Variants in LRBA observed in about 807,000 individuals in gnomAD.
LRBA encodes the protein LPS responsive beige-like anchor protein.
A neutral mutation model predicts 330.0 loss-of-function variants in LRBA; 176 were observed. That is an observed-to-expected ratio of 0.53 (90% confidence interval 0.47 to 0.60). The LOEUF (loss-of-function observed/expected upper bound fraction) is 0.60, where lower values mean the gene tolerates loss of function less well. Among genes scored for constraint, LRBA ranks in the 20% least tolerant of loss-of-function variants. The pLI, the probability that LRBA is intolerant of heterozygous loss-of-function variation, is 0.00. For synonymous variants in LRBA, 1,230 were observed against 1,193.0 expected, an observed-to-expected ratio of 1.03 and a Z score of -0.64; for missense variants, 3,259 against 3,444.8, an observed-to-expected ratio of 0.95 and a Z score of 1.35.
intron 2 of LRBA, among the ~76,000 whole-genome samples, chr4:150,951,293 T>C (rs1012169651): frequency 3.3e-5 from 5 of 152,152 alleles, no homozygotes; most frequent in African/African-American, 1.2e-4. Context: ...TATAGTTGTA[T>C]ATAACACAGC....
rs548971330 is a variant in LRBA at position 150,282,765 on chromosome 4, T to TA, written c.8120-120dup. 2.1e-4 allele frequency: 144 copies of TA among 692,628 alleles called. No homozygotes were observed. The Admixed American group carries it at 3.1e-3, about 15-fold the overall frequency. 42.9% of individuals were successfully genotyped at this position (692,628 alleles called of 1,614,324 possible). A position where few individuals can be genotyped will look rare whatever the true frequency, so the allele number is the denominator to read the frequency against. ...CCACACTATAGATGTAGAAAGCCTT[T>TA]AAAAAACTTCCATCTTACGTGTAAG... On this transcript the variant is annotated intron_variant, in intron 54 of 56. Transcript: ENST00000651943.
At chr4:150,967,860 A>G (rs141665481) in intron 2 of LRBA, among the ~76,000 whole-genome samples, 2 of 152,290 alleles carry the variant, frequency 1.3e-5, no homozygotes, top group Non-Finnish European at 2.9e-5. Context: ...TATGTGTTCT[A>G]TAGCTCTACC....
chr4:150,391,972 TAAAAAAAAA>T (rs150931536), intron 47 of LRBA, among the ~76,000 whole-genome samples: 12 of 107,440 alleles, frequency 1.1e-4, no homozygotes, highest in South Asian at 3.4e-4. Context: ...TGTTACTCTT[TAAAAAAAAA>T]AAAAAAAAAA....
At chr4:150,929,164 CT>C in intron 2 of LRBA, 99 bp from the exon 3 acceptor site, 1 of 676,636 alleles carries the variant, frequency 1.5e-6, no homozygotes, top group Non-Finnish European at 2.4e-6. Flanking sequence ...TACTCACATT[CT>C]TCCTCCACAT....
At chr4:150,795,702 T>C (rs1740682160) in intron 34 of LRBA, among the ~76,000 whole-genome samples, 1 of 151,952 alleles carries the variant, frequency 6.6e-6, no homozygotes, top group Non-Finnish European at 1.5e-5. Flanking sequence ...AATCAACTAT[T>C]GGTAAATGAG....
At chr4:150,717,053 G>A (rs1728293543) in intron 36 of LRBA, among the ~76,000 whole-genome samples, 1 of 152,144 alleles carries the variant, frequency 6.6e-6, no homozygotes. Flanking sequence ...ATAGCAAAGA[G>A]ATCACCAGTT....
intron 2 of LRBA, among the ~76,000 whole-genome samples, chr4:151,007,306 C>G (rs909285482): frequency 4.5e-4 from 69 of 151,938 alleles, no homozygotes; most frequent in Non-Finnish European, 1.0e-4. Flanking sequence ...TGGAGACCAT[C>G]CTGGCAAACA....
At chr4:150,966,475 ATTTTTTTTTTTTT>A (rs36013649) in intron 2 of LRBA, among the ~76,000 whole-genome samples, 1 of 114,616 alleles carries the variant, frequency 8.7e-6, no homozygotes, top group Non-Finnish European at 1.8e-5. Context: ...CACCCAGCTA[ATTTTTTTTTTTTT>A]TTTTTTTTTG....
intron 47 of LRBA, among the ~76,000 whole-genome samples, chr4:150,389,626 AG>A (rs1743599725): frequency 7.1e-6 from 1 of 140,350 alleles, no homozygotes; most frequent in African/African-American, 2.6e-5. Flanking sequence ...GCAGTGAGCC[AG>A]GATCACGCCA....
intron 2 of LRBA, among the ~76,000 whole-genome samples, chr4:151,000,081 A>G (rs1233032133): frequency 6.6e-6 from 1 of 152,240 alleles, no homozygotes; most frequent in Non-Finnish European, 1.5e-5. Flanking sequence ...CAGTTAGAAC[A>G]ATACACAGTT....
Position 150,872,732 on chromosome 4 carries a change from G to C in LRBA, c.2189C>G (p.Ser730Trp). ...TTGTACCCTGATTCCTTCACTTTTCGATGCCAGAAGTTTGTAGATAACACT... is the reference window on the plus strand; with the variant it reads ...TTGTACCCTGATTCCTTCACTTTTCCATGCCAGAAGTTTGTAGATAACACT... ...GLRVIYKLLA[S>W]KSEGIRVQAL... is the part of the protein sequence containing the mutation. The change falls in exon 18 of 57, where the codon TCG becomes TGG. Residue 730 changes from serine (S) to tryptophan (W), a missense_variant. Physicochemically the swap from Ser to Trp is radical, Grantham distance 177. Transcript: ENST00000651943. 1 of 1,602,102 alleles carries C rather than the reference G, an allele frequency of 6.2e-7. No homozygotes were observed. The highest frequency in any genetic ancestry group is 1.7e-5 in the Admixed American group (1 of 58,916).
chr4:150,565,334 G>T (rs914132891), intron 40 of LRBA, among the ~76,000 whole-genome samples: 2 of 152,000 alleles, frequency 1.3e-5, no homozygotes, highest in African/African-American at 4.8e-5. Context: ...CACACACCGG[G>T]GCCTGTTGGG....
intron 37 of LRBA, among the ~76,000 whole-genome samples, chr4:150,645,601 A>AT (rs1162063285): frequency 6.6e-6 from 1 of 151,950 alleles, no homozygotes. Flanking sequence ...TTCTACTCAA[A>AT]TATCAATTGC....
chr4:150,997,485 A>G (rs574993310), intron 2 of LRBA, among the ~76,000 whole-genome samples: 2 of 152,338 alleles, frequency 1.3e-5, no homozygotes, highest in South Asian at 2.1e-4. Flanking sequence ...CTCTATTGAT[A>G]CAAATGGGAT....
intron 26 of LRBA, among the ~76,000 whole-genome samples, chr4:150,846,461 A>C (rs6535754): frequency 0.87 from 131,926 of 150,958 alleles, 58,192 homozygotes; most frequent in Non-Finnish European, 0.95. Flanking sequence ...ACCCGGAAGA[A>C]AGAGGTTGCA....
At chr4:150,733,443 C>T (rs941106999) in intron 36 of LRBA, among the ~76,000 whole-genome samples, 1 of 144,316 alleles carries the variant, frequency 6.9e-6, no homozygotes, top group African/African-American at 2.9e-5. Context: ...GAATAAATGT[C>T]GTAAAAATTT....
intron 40 of LRBA, among the ~76,000 whole-genome samples, chr4:150,522,267 T>C (rs1762995139): frequency 6.6e-6 from 1 of 152,152 alleles, no homozygotes; most frequent in Non-Finnish European, 1.5e-5. Context: ...TTCTATTGTT[T>C]ACAAATTACC....
intron 2 of LRBA, among the ~76,000 whole-genome samples, chr4:150,993,918 A>T (rs1742367599): frequency 6.6e-6 from 1 of 151,982 alleles, no homozygotes; most frequent in African/African-American, 2.4e-5. Flanking sequence ...TACAAAAATT[A>T]GCCTGGCGTG....
intron 9 of LRBA, among the ~76,000 whole-genome samples, chr4:150,910,063 T>A (rs1731814149): frequency 1.3e-5 from 2 of 152,200 alleles, no homozygotes; most frequent in Non-Finnish European, 2.9e-5. Flanking sequence ...TAACTCCTTA[T>A]CAGATATATG....
Sources: allele counts gnomAD v4.1 joint callset (sites outside exome capture counted in the v4.1 genomes callset), GRCh38; gene constraint gnomAD v4.1.1; transcripts MANE v1.5; gene names NCBI Gene and HGNC (gene_info 2026-07-23, HGNC 2026-07-21).